The following DIAPH3 variants were observed in gnomAD, a reference collection of about 807,000 sequenced individuals.
DIAPH3 encodes protein diaphanous homolog 3.
DIAPH3 carries 117 observed loss-of-function variants against 144.3 expected under a neutral mutation model. The ratio of observed to expected loss-of-function variants is 0.81; its 90% confidence interval spans 0.70 to 0.95. DIAPH3 has a LOEUF of 0.95. Among genes scored for constraint, DIAPH3 ranks in the 40% least tolerant of loss-of-function variants. The probability of loss-of-function intolerance (pLI) is 0.00; values close to 1 mark genes in which losing one functional copy is unlikely to be tolerated. For synonymous variants in DIAPH3, 519 were observed against 488.9 expected (o/e 1.06, Z -0.81); for missense variants, 1,421 against 1,412.7 (o/e 1.01, Z -0.09).
rs578217209 is a variant in DIAPH3 at position 60,161,163 on chromosome 13, T to C, written c.180+2424A>G. On this transcript the variant is annotated intron_variant, in intron 1 of 27. Coordinates refer to ENST00000400324, the MANE Select transcript of DIAPH3 (RefSeq NM_001042517.2). ...CCATCACATCACCAACCTATATTAC[T>C]TGTTCCCATCAAAAACAGCTGCCCC... Among the ~76,000 whole-genome samples, 6 of 152,286 alleles carry C rather than the reference T, an allele frequency of 3.9e-5. No individual in the cohort carries two copies. The East Asian group carries it at 1.2e-3, about 29-fold the overall frequency.
rs527338776 is a variant in DIAPH3, at chr13:59,946,406, C to T, written c.2075-21536G>A. 1.0e-3 allele frequency among the ~76,000 whole-genome samples: 156 copies of T among 152,194 alleles called. 2 individuals are homozygous for T. Among genetic ancestry groups the T allele is most frequent in the Non-Finnish European group, 1.3e-3 (90 of 67,994 alleles). On this transcript the variant is annotated intron_variant, in intron 17 of 27. Transcript: ENST00000400324. ...AAAGTGATGAGAGAAAAAAACCTCC[C>T]GAACACTACCTGATACCATTCTTTA...
chr13:59,897,068 T>A (rs907523036), intron 20 of DIAPH3, among the ~76,000 whole-genome samples: 1 of 152,216 alleles, frequency 6.6e-6, no homozygotes, highest in Non-Finnish European at 1.5e-5. Flanking sequence ...AAAAAAATTA[T>A]ATGTGTTTTA....
chr13:60,155,013 T>G (rs988488417), intron 1 of DIAPH3, among the ~76,000 whole-genome samples: 3 of 152,188 alleles, frequency 2.0e-5, no homozygotes, highest in Admixed American at 6.5e-5. Flanking sequence ...TAAATCCAAT[T>G]TATAAGGCAA....
At chr13:60,071,204 T>C (rs978023026) in intron 4 of DIAPH3, among the ~76,000 whole-genome samples, 4 of 152,210 alleles carry the variant, frequency 2.6e-5, no homozygotes, top group Non-Finnish European at 5.9e-5. Flanking sequence ...TTCTGACCTA[T>C]TTGTAGCCAA....
intron 23 of DIAPH3, among the ~76,000 whole-genome samples, chr13:59,836,728 ATTG>A (rs1300040209): frequency 6.6e-6 from 1 of 151,976 alleles, no homozygotes; most frequent in East Asian, 1.9e-4. Context: ...TGTAAGATAC[ATTG>A]TTAACAAATT....
At chr13:59,747,838 C>T (rs1477922879) in intron 27 of DIAPH3, among the ~76,000 whole-genome samples, 1 of 152,150 alleles carries the variant, frequency 6.6e-6, no homozygotes, top group Non-Finnish European at 1.5e-5. Flanking sequence ...ATTTCTTTTC[C>T]GCATAGTCAA....
At chr13:59,788,326 A>G (rs2039139371) in intron 25 of DIAPH3, among the ~76,000 whole-genome samples, 1 of 152,164 alleles carries the variant, frequency 6.6e-6, no homozygotes, top group South Asian at 2.1e-4. Context: ...TTTTTATTAG[A>G]AATAAAATTG....
intron 18 of DIAPH3, among the ~76,000 whole-genome samples, chr13:59,917,734 C>CA: frequency 6.6e-6 from 1 of 150,848 alleles, no homozygotes; most frequent in East Asian, 1.9e-4. Flanking sequence ...ACTAAAAATA[C>CA]AAAAAATTAG....
intron 25 of DIAPH3, among the ~76,000 whole-genome samples, chr13:59,800,885 A>G (rs2039868749): frequency 6.6e-6 from 1 of 152,208 alleles, no homozygotes; most frequent in Admixed American, 6.5e-5. Flanking sequence ...TAAAATAGTT[A>G]ATACATTTAT....
chr13:60,016,065 A>G lies in DIAPH3; in HGVS notation c.701+6T>C, dbSNP rs780857811. On this transcript the variant is annotated splice_donor_region_variant and intron_variant, in intron 6 of 27. Coordinates refer to ENST00000400324, the MANE Select transcript of DIAPH3 (RefSeq NM_001042517.2). ...TTACTTGAAAATAATTATTAGCAAT[A>G]CTTACATTTTTCCACTAATCAGTTT... The G allele has an allele frequency of 1.2e-6, 2 of 1,612,540 alleles. No homozygotes were observed. Among genetic ancestry groups the G allele is most frequent in the Non-Finnish European group, 1.7e-6 (2 of 1,178,904 alleles).
intron 21 of DIAPH3, among the ~76,000 whole-genome samples, chr13:59,863,063 G>A (rs1399208848): frequency 1.3e-5 from 2 of 152,178 alleles, no homozygotes; most frequent in African/African-American, 4.8e-5. Flanking sequence ...AGACGACCAG[G>A]GTGGACCAAT....
intron 4 of DIAPH3, among the ~76,000 whole-genome samples, chr13:60,072,328 C>T (rs2057241038): frequency 6.6e-6 from 1 of 152,158 alleles, no homozygotes; most frequent in African/African-American, 2.4e-5. Context: ...AGTTTCTCCT[C>T]CTCTACCCAC....
chr13:59,670,392 C>T (rs1465613229), intron 27 of DIAPH3, among the ~76,000 whole-genome samples: 1 of 152,136 alleles, frequency 6.6e-6, no homozygotes, highest in African/African-American at 2.4e-5. Context: ...CTCTCAGCAC[C>T]CCAACAGCCC....
intron 17 of DIAPH3, among the ~76,000 whole-genome samples, chr13:59,969,134 G>A (rs1366751063): frequency 1.3e-5 from 2 of 152,014 alleles, no homozygotes; most frequent in Non-Finnish European, 2.9e-5. Context: ...GTAAGTAGCA[G>A]GCCCACGAAA....
chr13:59,928,254 C>G (rs996699271), intron 17 of DIAPH3, among the ~76,000 whole-genome samples: 2 of 151,940 alleles, frequency 1.3e-5, no homozygotes, highest in Non-Finnish European at 2.9e-5. Flanking sequence ...ATATCTATCT[C>G]TTTGTTGAAT....
At chr13:60,026,682 C>G (rs1566677190) in intron 5 of DIAPH3, among the ~76,000 whole-genome samples, 1 of 152,060 alleles carries the variant, frequency 6.6e-6, no homozygotes, top group African/African-American at 2.4e-5. Context: ...TTTAACCAAC[C>G]AACCAACGGT....
At chr13:59,890,721 T>C (rs2045737501) in intron 20 of DIAPH3, among the ~76,000 whole-genome samples, 1 of 151,992 alleles carries the variant, frequency 6.6e-6, no homozygotes, top group Non-Finnish European at 1.5e-5. Context: ...TATAAGGTGC[T>C]CTCCACAAGT....
intron 9 of DIAPH3, among the ~76,000 whole-genome samples, chr13:60,005,728 G>T (rs368772866): frequency 1.3e-5 from 2 of 152,106 alleles, no homozygotes; most frequent in East Asian, 3.9e-4. Flanking sequence ...TGATCTGCCC[G>T]CCTTGGCCTC....
At chr13:59,883,359 CT>C (rs1381988451) in intron 20 of DIAPH3, among the ~76,000 whole-genome samples, 1 of 152,114 alleles carries the variant, frequency 6.6e-6, no homozygotes, top group Non-Finnish European at 1.5e-5. Context: ...TATACATTTT[CT>C]TTTATAAATA....
Sources: allele counts gnomAD v4.1 joint callset (sites outside exome capture counted in the v4.1 genomes callset), GRCh38; gene constraint gnomAD v4.1.1; transcripts MANE v1.5; gene names NCBI Gene and HGNC (gene_info 2026-07-23, HGNC 2026-07-21).